The following CAMTA1 variants were observed in gnomAD, a reference collection of about 807,000 sequenced individuals.
CAMTA1 encodes the protein calmodulin binding transcription activator 1.
In CAMTA1, 27 loss-of-function variants were observed where a neutral mutation model predicts 170.9. The ratio of observed to expected loss-of-function variants is 0.16; its 90% CI spans 0.12 to 0.22. CAMTA1 has a LOEUF of 0.22. Ranked by LOEUF, CAMTA1 falls within the 10% of genes least tolerant of loss-of-function variation. The pLI is 1.00. For synonymous variants in CAMTA1, 833 were observed against 891.5 expected (o/e 0.93, Z 1.17); for missense variants, 1,619 against 2,217.2 (o/e 0.73, Z 5.42).
At chr1:7,688,603 G>A (rs560052339) in intron 11 of CAMTA1, among the ~76,000 whole-genome samples, 47 of 152,262 alleles carry the variant, frequency 3.1e-4, no homozygotes, top group Middle Eastern at 3.4e-3. Context: ...CTGGTTGGGG[G>A]CTAGGGCAGC....
intron 12 of CAMTA1, among the ~76,000 whole-genome samples, chr1:7,733,960 T>G (rs899776524): frequency 1.3e-5 from 2 of 152,204 alleles, no homozygotes; most frequent in African/African-American, 4.8e-5. Flanking sequence ...TTCTTTTTTT[T>G]CTTTTTGACA....
intron 3 of CAMTA1, among the ~76,000 whole-genome samples, chr1:7,024,704 G>A (rs916728497): frequency 6.6e-6 from 1 of 152,128 alleles, no homozygotes; most frequent in East Asian, 1.9e-4. Context: ...GGATCCCCTC[G>A]ACAGGTGCTG....
chr1:7,751,792 G>A (rs2096899664), intron 20 of CAMTA1, among the ~76,000 whole-genome samples: 1 of 151,566 alleles, frequency 6.6e-6, no homozygotes, highest in African/African-American at 2.4e-5. Context: ...TGAGGCTGAA[G>A]GAAATCTGAT....
intron 5 of CAMTA1, among the ~76,000 whole-genome samples, chr1:7,289,127 C>T (rs145178809): frequency 1.1e-4 from 16 of 152,224 alleles, no homozygotes; most frequent in African/African-American, 3.4e-4. Context: ...CATGAGAACT[C>T]ACTCGCTGTC....
intron 4 of CAMTA1, among the ~76,000 whole-genome samples, chr1:7,231,093 T>C (rs554980233): frequency 7.9e-5 from 12 of 152,106 alleles, no homozygotes; most frequent in African/African-American, 2.9e-4. Context: ...AGTCTGATCG[T>C]GGGATGAGAG....
chr1:7,223,077 G>A (rs921376757), intron 4 of CAMTA1, among the ~76,000 whole-genome samples: 18 of 152,312 alleles, frequency 1.2e-4, no homozygotes, highest in African/African-American at 4.3e-4. Context: ...GCCCTTGCGG[G>A]CCACCCCCTC....
intron 6 of CAMTA1, among the ~76,000 whole-genome samples, chr1:7,531,235 G>C (rs1231154285): frequency 6.6e-6 from 1 of 152,162 alleles, no homozygotes; most frequent in East Asian, 1.9e-4. Context: ...AGAGCAAAGA[G>C]TGACCTAAGA....
chr1:6,997,833 T>C (rs971960000), intron 3 of CAMTA1, among the ~76,000 whole-genome samples: 1 of 151,818 alleles, frequency 6.6e-6, no homozygotes, highest in South Asian at 2.1e-4. Context: ...GCTAGTTTTT[T>C]GTATTTTTAG....
chr1:7,505,974 G>A (rs1157993752), intron 6 of CAMTA1, among the ~76,000 whole-genome samples: 1 of 152,176 alleles, frequency 6.6e-6, no homozygotes, highest in African/African-American at 2.4e-5. Flanking sequence ...GGTGGGGGCA[G>A]GCTGCAGCAG....
intron 4 of CAMTA1, among the ~76,000 whole-genome samples, chr1:7,233,313 C>T (rs542102604): frequency 2.6e-5 from 4 of 152,278 alleles, no homozygotes; most frequent in Non-Finnish European, 4.4e-5. Context: ...TGGGGCTGAA[C>T]ATGAGCCAGG....
intron 5 of CAMTA1, among the ~76,000 whole-genome samples, chr1:7,419,997 G>A (rs942912960): frequency 4.6e-5 from 7 of 152,080 alleles, no homozygotes; most frequent in East Asian, 1.9e-4. Flanking sequence ...ATTGGCCCCC[G>A]TGGTCTCTTT....
intron 3 of CAMTA1, among the ~76,000 whole-genome samples, chr1:6,910,422 G>A (rs1469850117): frequency 1.3e-5 from 2 of 152,218 alleles, no homozygotes; most frequent in African/African-American, 4.8e-5. Flanking sequence ...CTTCTTTTTA[G>A]CCAGGCTGGA....
In CAMTA1 at chr1:6,820,312, T is replaced by C. The variant is rs1646338782; in HGVS notation, c.115+62T>C. On this transcript the variant is annotated intron_variant, in intron 2 of 22. Coordinates refer to ENST00000303635, the MANE Select transcript of CAMTA1 (RefSeq NM_015215.4). ...GTGGGCTTGGCAGTGGCAGTAATTA[T>C]CATCTAGTACAGTGGAAACAGCCTT... 5 of 1,570,710 alleles carry C rather than the reference T, an allele frequency of 3.2e-6. No individual in the cohort carries two copies. The East Asian group carries it at 1.1e-4, about 35-fold the overall frequency.
intron 11 of CAMTA1, among the ~76,000 whole-genome samples, chr1:7,719,652 C>T (rs2096636605): frequency 1.3e-5 from 2 of 152,198 alleles, no homozygotes; most frequent in South Asian, 4.1e-4. Flanking sequence ...CAGCTTGTGC[C>T]TCATCTCCAC....
At chr1:7,276,278 C>CATAT (rs1210333666) in intron 5 of CAMTA1, among the ~76,000 whole-genome samples, 20 of 58,542 alleles carry the variant, frequency 3.4e-4, no homozygotes, top group East Asian at 1.5e-3. Flanking sequence ...TACACCTGAT[C>CATAT]ATATATATAT....
intron 4 of CAMTA1, among the ~76,000 whole-genome samples, chr1:7,177,785 C>T (rs1016274815): frequency 4.6e-5 from 7 of 151,594 alleles, no homozygotes; most frequent in African/African-American, 1.7e-4. Context: ...CAAGGCTCCT[C>T]CCTACACACA....
intron 4 of CAMTA1, among the ~76,000 whole-genome samples, chr1:7,160,516 C>T (rs1382902266): frequency 1.3e-5 from 2 of 152,016 alleles, no homozygotes; most frequent in Non-Finnish European, 2.9e-5. Context: ...CTCTGGAGTA[C>T]CATGCTTCCT....
intron 4 of CAMTA1, among the ~76,000 whole-genome samples, chr1:7,213,877 C>T (rs1057263052): frequency 5.3e-5 from 8 of 151,790 alleles, no homozygotes; most frequent in Admixed American, 1.3e-4. Flanking sequence ...TTTGTCCTTG[C>T]GATAGTTTGC....
rs533083317 is a variant in CAMTA1, at chr1:7,466,120, G to T, written c.439-1710G>T. ...AGGAGATGGTGAATGTCACAGGTGG[G>T]TTGCTTGTTCATTGCAACCAAACGC... On this transcript the variant is annotated intron_variant, in intron 5 of 22. Coordinates refer to ENST00000303635, the MANE Select transcript of CAMTA1 (RefSeq NM_015215.4). Among the ~76,000 whole-genome samples the T allele has an allele frequency of 6.6e-5, 10 of 152,290 alleles. No homozygotes were observed. The East Asian group carries it at 1.9e-3, about 29-fold the overall frequency.
Sources: allele counts gnomAD v4.1 joint callset (sites outside exome capture counted in the v4.1 genomes callset), GRCh38; gene constraint gnomAD v4.1.1; transcripts MANE v1.5; gene names NCBI Gene and HGNC (gene_info 2026-07-23, HGNC 2026-07-21).